The following ZC3HC1 variants were observed in gnomAD, a reference collection of about 807,000 sequenced individuals.
ZC3HC1 encodes the protein zinc finger C3HC-type containing 1.
A neutral mutation model predicts 61.9 loss-of-function variants in ZC3HC1; 38 were observed. The observed-to-expected ratio is 0.61, with a 90% CI of 0.47 to 0.81. The LOEUF is 0.81. Ranked by LOEUF, ZC3HC1 falls within the 30% of genes least tolerant of loss-of-function variation. The probability of loss-of-function intolerance (pLI) is 0.00; values close to 1 mark genes in which losing one functional copy is unlikely to be tolerated. For synonymous variants in ZC3HC1, 213 were observed against 229.9 expected, an observed-to-expected ratio of 0.93 and a Z score of 0.67; for missense variants, 554 against 622.7, an observed-to-expected ratio of 0.89 and a Z score of 1.17.
At chr7:130,036,097 G>A (rs764975319) in intron 4 of ZC3HC1, among the ~76,000 whole-genome samples, 1 of 151,630 alleles carries the variant, frequency 6.6e-6, no homozygotes, top group Non-Finnish European at 1.5e-5. Flanking sequence ...TGATTTTTCT[G>A]AAGAGTAATA....
intron 3 of ZC3HC1, among the ~76,000 whole-genome samples, chr7:130,040,278 A>C (rs1794596297): frequency 1.4e-5 from 2 of 145,528 alleles, no homozygotes; most frequent in Non-Finnish European, 3.0e-5. Context: ...GTGGATCACA[A>C]GGTCAGGAGA....
chr7:130,024,345 T>G lies in ZC3HC1; in HGVS notation c.938A>C (p.Glu313Ala). 1.2e-6 allele frequency: 2 copies of G among 1,614,108 alleles called. No homozygotes were observed. The highest frequency in any genetic ancestry group is 1.7e-6 in the Non-Finnish European group (2 of 1,180,028). ...SPIPGLEGRPERLPLVPESPR... is the reference protein window; with the variant it reads ...SPIPGLEGRPARLPLVPESPR... Reference sequence around the variant, plus strand: ...AGATTCAGGCACCAGAGGTAAGCGCTCTGGTCGCCCCTCAAGGCCTGGGAT... The same window carrying G: ...AGATTCAGGCACCAGAGGTAAGCGCGCTGGTCGCCCCTCAAGGCCTGGGAT... The change falls in exon 7 of 10, where the codon GAG (glutamate) becomes GCG (alanine). Residue 313 changes from glutamate to alanine, a missense_variant. Glu to Ala is a moderately radical substitution (Grantham distance 107). Transcript: ENST00000358303.
At chr7:130,049,263 A>G (rs576092383) in intron 1 of ZC3HC1, 119 bp from the exon 2 acceptor site, 1 of 617,936 alleles carries the variant, frequency 1.6e-6, no homozygotes, top group African/African-American at 1.9e-5. Context: ...TAAGCTTCCT[A>G]AAAATCATTT....
intron 4 of ZC3HC1, among the ~76,000 whole-genome samples, chr7:130,033,107 G>A (rs1311605958): frequency 1.3e-5 from 2 of 151,984 alleles, no homozygotes; most frequent in Non-Finnish European, 1.5e-5. Flanking sequence ...ATCATGGCTC[G>A]CCACAGCCTT....
At chr7:130,037,154 T>C (rs1794461834) in intron 4 of ZC3HC1, among the ~76,000 whole-genome samples, 1 of 152,124 alleles carries the variant, frequency 6.6e-6, no homozygotes, top group Non-Finnish European at 1.5e-5. Flanking sequence ...CTTAAAAACT[T>C]GGACGGCCAG....
At chr7:130,022,125 C>G (rs1044081472) in intron 9 of ZC3HC1, among the ~76,000 whole-genome samples, 194 bp downstream of exon 9, 3 of 152,026 alleles carry the variant, frequency 2.0e-5, no homozygotes, top group Non-Finnish European at 4.4e-5. Context: ...GAGCTGAGAT[C>G]GTGCCATTGG....
intron 2 of ZC3HC1, among the ~76,000 whole-genome samples, chr7:130,048,462 A>G (rs1188594731): frequency 1.3e-5 from 2 of 152,146 alleles, no homozygotes; most frequent in African/African-American, 4.8e-5. Context: ...CCATGCCTGG[A>G]TTCCTGATCC....
intron 9 of ZC3HC1, 142 bp downstream of exon 9, chr7:130,022,177 A>G: frequency 1.0e-5 from 11 of 1,091,894 alleles, no homozygotes; most frequent in Non-Finnish European, 1.5e-5. Context: ...ATCTCAAAAA[A>G]CAAACAAACA....
chr7:130,037,827 C>T (rs1040705216), intron 4 of ZC3HC1, among the ~76,000 whole-genome samples: 4 of 152,190 alleles, frequency 2.6e-5, no homozygotes, highest in Non-Finnish European at 5.9e-5. Flanking sequence ...ATGAAATATA[C>T]AGATGAATAG....
At chr7:130,028,163 CAAAAAAAAAAAAAAAAAA>C (rs58430072) in intron 5 of ZC3HC1, among the ~76,000 whole-genome samples, 660 of 34,156 alleles carry the variant, frequency 0.019, 18 homozygotes, top group African/African-American at 0.08. Flanking sequence ...GACTCTGTCT[CAAAAAAAAAAAAAAAAAA>C]AAAAAAAAAA....
chr7:130,029,003 C>G lies in ZC3HC1; in HGVS notation c.520G>C (p.Glu174Gln), dbSNP rs1794056198. Residue 174 changes from glutamate (E) to glutamine (Q), a missense_variant, in exon 5 of 10, where the codon GAG (glutamate) becomes CAG (glutamine). By Grantham distance (29) the Glu-to-Gln change is conservative (BLOSUM62 2). Transcript: ENST00000358303. ...PDRFGMLPLD[E>Q]PAILVSEFLD... ...AATTCACTAACAAGAATAGCAGGCTCATCCAGGGGCAACATCCCAAATCGG... is the reference window on the plus strand; with the variant it reads ...AATTCACTAACAAGAATAGCAGGCTGATCCAGGGGCAACATCCCAAATCGG... 1 of 1,613,396 alleles carries G rather than the reference C, an allele frequency of 6.2e-7. No homozygotes were observed. Among genetic ancestry groups the G allele is most frequent in the African/African-American group, 1.3e-5 (1 of 74,896 alleles).
chr7:130,041,180 A>C, intron 2 of ZC3HC1, 79 bp from the exon 3 acceptor site: 1 of 1,390,990 alleles, frequency 7.2e-7, no homozygotes, highest in Admixed American at 2.5e-5. Context: ...GTGTGTGTAT[A>C]CACATACTGT....
rs777743263 is a variant in ZC3HC1 at position 130,026,172 on chromosome 7, A to G, written c.762T>C (p.Cys254=). 1 of 1,613,770 alleles carries G rather than the reference A, an allele frequency of 6.2e-7. No homozygotes were observed. The highest frequency in any genetic ancestry group is 2.2e-5 in the East Asian group (1 of 44,886). ...VHVTACILSV[C]GWACSSSLES... ...TGCTGACTCACCTACACGCCCAGCCACACACAGAGAGAATACAGGCAGTGA... is the reference window on the plus strand; with the variant it reads ...TGCTGACTCACCTACACGCCCAGCCGCACACAGAGAGAATACAGGCAGTGA... The change falls in exon 6 of 10, where the codon TGT becomes TGC. Residue 254 remains cysteine, a synonymous_variant. Coordinates refer to ENST00000358303, the MANE Select transcript of ZC3HC1 (RefSeq NM_016478.5).
At chr7:130,045,492 T>C (rs772816276) in intron 2 of ZC3HC1, 5 of 457,474 alleles carry the variant, frequency 1.1e-5, no homozygotes, top group Non-Finnish European at 2.2e-5. Flanking sequence ...CTATGGTCTA[T>C]AGGAGACAAA....
chr7:130,042,947 G>GCCT (rs1794736205), intron 2 of ZC3HC1, among the ~76,000 whole-genome samples: 1 of 152,168 alleles, frequency 6.6e-6, no homozygotes, highest in African/African-American at 2.4e-5. Flanking sequence ...GGCCTTCCAT[G>GCCT]GTGCTGGGAT....
intron 2 of ZC3HC1, among the ~76,000 whole-genome samples, chr7:130,048,675 T>C (rs751371271): frequency 2.0e-5 from 3 of 152,216 alleles, no homozygotes; most frequent in Non-Finnish European, 2.9e-5. Context: ...GGGCAAGTCA[T>C]ATAACCTGCC....
At chr7:130,033,043 C>A (rs1794285126) in intron 4 of ZC3HC1, among the ~76,000 whole-genome samples, 1 of 152,198 alleles carries the variant, frequency 6.6e-6, no homozygotes, top group Admixed American at 6.5e-5. Context: ...CAAGGTCAGT[C>A]CGGGCAATAG....
In ZC3HC1 at chr7:130,042,139, T is replaced by C. The variant is rs116080333; in HGVS notation, c.259-1038A>G. On this transcript the variant is annotated intron_variant, in intron 2 of 9. Coordinates refer to ENST00000358303, the MANE Select transcript of ZC3HC1 (RefSeq NM_016478.5). ...GCAACACGGCGACACCTCATCTCTA[T>C]TGAAAATCAAAAAATTAGCGGGATG... Among the ~76,000 whole-genome samples the C allele has an allele frequency of 2.5e-3, 373 of 151,712 alleles. 1 individual carries two copies. The highest frequency in any genetic ancestry group is 8.5e-3 in the African/African-American group (350 of 41,396).
At chr7:130,040,883 C>G (rs775618253) in intron 3 of ZC3HC1, 68 bp downstream of exon 3, 1 of 1,435,890 alleles carries the variant, frequency 7.0e-7, no homozygotes, top group African/African-American at 1.5e-5. Context: ...CCTTTTTTCC[C>G]CCCCCAGAAA....
Sources: gnomAD v4.1 joint callset for allele counts (sites outside exome capture counted in the v4.1 genomes callset) on GRCh38, gnomAD v4.1.1 for gene constraint, MANE v1.5 for transcripts, NCBI Gene and HGNC (gene_info 2026-07-23, HGNC 2026-07-21) for gene names.